The following MRPL45 variants were observed in gnomAD, a reference collection of about 807,000 sequenced individuals.
MRPL45 encodes large ribosomal subunit protein mL45.
A neutral mutation model predicts 38.1 loss-of-function variants in MRPL45; 20 were observed. The ratio of observed to expected loss-of-function variants is 0.53; its 90% CI spans 0.37 to 0.76. The LOEUF (loss-of-function observed/expected upper bound fraction) is 0.76, where lower values mean the gene tolerates loss of function less well. MRPL45 is among the 30% of genes least tolerant of loss of function. The pLI, the probability that MRPL45 is intolerant of heterozygous loss-of-function variation, is 0.00. For synonymous variants in MRPL45, 105 were observed against 128.8 expected (o/e 0.82, Z 1.25); for missense variants, 337 against 395.6 (o/e 0.85, Z 1.26).
chr17:38,309,185 GT>G (rs1356222084), intron 4 of MRPL45, among the ~76,000 whole-genome samples: 8 of 151,286 alleles, frequency 5.3e-5, no homozygotes, highest in African/African-American at 1.9e-4. Context: ...GATTACAGGT[GT>G]GAGCCACTGT....
chr17:38,306,616 A>C lies in MRPL45; in HGVS notation c.446A>C (p.His149Pro), dbSNP rs1203394103. 14 of 1,613,406 alleles carry C rather than the reference A, an allele frequency of 8.7e-6. No homozygotes were observed. The highest frequency in any genetic ancestry group is 1.3e-5 in the African/African-American group (1 of 74,912). ...EKAKDIFIEA[H>P]LCLNNSDHDR... ...GCTAAGGATATCTTTATTGAAGCTC[A>C]CCTTTGTCTAAATAAGTAAGTGAAC... The change falls in exon 4 of 8, where the codon CAC (histidine) becomes CCC (proline). Residue 149 changes from histidine to proline, a missense_variant. By Grantham distance (77) the His-to-Pro change is moderately conservative. Around this residue, in one of 3 missense-constraint regions of MRPL45, gnomAD observed 251 missense variants for 269.1 expected, o/e 0.93. Coordinates refer to ENST00000613675, the MANE Select transcript of MRPL45 (RefSeq NM_032351.6).
chr17:38,318,206 C>T (rs1328423007), intron 4 of MRPL45, among the ~76,000 whole-genome samples: 1 of 57,668 alleles, frequency 1.7e-5, no homozygotes, highest in Admixed American at 2.4e-4. Flanking sequence ...GACTCTGTCT[C>T]AAAAAAAAAA....
intron 3 of MRPL45, among the ~76,000 whole-genome samples, chr17:38,303,818 C>T (rs2037024913): frequency 6.6e-6 from 1 of 151,134 alleles, no homozygotes; most frequent in South Asian, 2.1e-4. Flanking sequence ...CTTCCGCCTC[C>T]CGGGTTCAAG....
At chr17:38,310,074 A>G (rs562231905) in intron 4 of MRPL45, among the ~76,000 whole-genome samples, 304 of 147,604 alleles carry the variant, frequency 2.1e-3, no homozygotes, top group African/African-American at 6.6e-3. Flanking sequence ...CTACCTATCG[A>G]GTTCTTAATT....
chr17:38,299,812 C>G (rs2036974239), intron 3 of MRPL45, among the ~76,000 whole-genome samples: 2 of 151,962 alleles, frequency 1.3e-5, no homozygotes, highest in South Asian at 2.1e-4. Flanking sequence ...TCTTGGCTCA[C>G]CGCAACCTCC....
intron 4 of MRPL45, among the ~76,000 whole-genome samples, chr17:38,317,092 G>T (rs925436938): frequency 6.6e-6 from 1 of 152,092 alleles, no homozygotes; most frequent in African/African-American, 2.4e-5. Context: ...CACCGCACCC[G>T]GCCCATAAAT....
intron 6 of MRPL45, 74 bp from the exon 7 acceptor site, chr17:38,322,052 A>G (rs867582969): frequency 1.1e-5 from 16 of 1,400,438 alleles, no homozygotes; most frequent in Middle Eastern, 2.5e-4. Flanking sequence ...AAAAGGTTGT[A>G]TGGCAATAAA....
rs1243866744 is a variant in MRPL45, at chr17:38,299,412, G to A, written c.306G>A (p.Lys102=). 16 of 1,613,112 alleles carry A rather than the reference G, an allele frequency of 9.9e-6. No homozygotes were observed. The highest frequency in any genetic ancestry group is 1.3e-5 in the Non-Finnish European group (15 of 1,179,880). Residue 102 remains lysine, a synonymous_variant, in exon 3 of 8, where the codon AAG becomes AAA. Coordinates refer to ENST00000613675, the MANE Select transcript of MRPL45 (RefSeq NM_032351.6). The part of the protein sequence containing the change: ...EGDARISSLS[K]EGLIERTERM... ...ATGCACGCATATCATCTCTTTCAAA[G>A]GAGGGACTGATAGAGAGAACTGAAC...
intron 3 of MRPL45, among the ~76,000 whole-genome samples, chr17:38,303,828 G>A (rs1366170909): frequency 6.6e-6 from 1 of 151,350 alleles, no homozygotes; most frequent in African/African-American, 2.4e-5. Flanking sequence ...CCGGGTTCAA[G>A]CGATTCTCCT....
intron 4 of MRPL45, among the ~76,000 whole-genome samples, chr17:38,317,255 C>G (rs574796200): frequency 6.6e-6 from 1 of 152,244 alleles, no homozygotes; most frequent in African/African-American, 2.4e-5. Flanking sequence ...TGATGGTCAT[C>G]ATGGTAGTTG....
At chr17:38,307,597 G>A (rs993088769) in intron 4 of MRPL45, among the ~76,000 whole-genome samples, 7 of 151,752 alleles carry the variant, frequency 4.6e-5, no homozygotes, top group African/African-American at 9.7e-5. Context: ...CTCCTGCCTT[G>A]GCCTCCCAAA....
At chr17:38,311,401 CG>C (rs545984206) in intron 4 of MRPL45, among the ~76,000 whole-genome samples, 216 of 152,008 alleles carry the variant, frequency 1.4e-3, no homozygotes, top group Non-Finnish European at 2.6e-3. Context: ...AAAGGAGACC[CG>C]GGGATCCAGG....
chr17:38,312,954 CACT>C (rs1208730558), intron 4 of MRPL45, among the ~76,000 whole-genome samples: 1 of 150,474 alleles, frequency 6.6e-6, no homozygotes, highest in Non-Finnish European at 1.5e-5. Context: ...TCTACATCCT[CACT>C]GATACCTATT....
chr17:38,301,324 C>T lies in MRPL45; in HGVS notation c.362+1856C>T, dbSNP rs530101667. On this transcript the variant is annotated intron_variant, in intron 3 of 7. Coordinates refer to ENST00000613675, the MANE Select transcript of MRPL45 (RefSeq NM_032351.6). ...TGGTGCAATCTCGGCTCACCACAAC[C>T]TCTGCCTTCTGGGTTGAAGCGATTC... Among the ~76,000 whole-genome samples, 3 of 152,272 alleles carry T rather than the reference C, an allele frequency of 2.0e-5. No individual in the cohort carries two copies. The South Asian group carries it at 6.2e-4, about 32-fold the overall frequency.
In MRPL45 at chr17:38,302,507, TTTG is replaced by T. The variant is rs1214085888; in HGVS notation, c.362+3042_362+3044del. On this transcript the variant is annotated intron_variant, in intron 3 of 7. Transcript: ENST00000613675. ...ATCTCAAAAAAAAAAAAAAAAAAAGTTTGTTTTTTTTTTTTTTTTTTAGAGTTA... is the reference window on the plus strand; with the variant it reads ...ATCTCAAAAAAAAAAAAAAAAAAAGTTTTTTTTTTTTTTTTTTTAGAGTTA... Among the ~76,000 whole-genome samples the T allele has an allele frequency of 3.5e-4, 19 of 53,978 alleles. 1 individual carries two copies. Among genetic ancestry groups the T allele is most frequent in the African/African-American group, 7.9e-4 (15 of 19,064 alleles). The allele number at this position is 53,978 out of a possible 152,430, so 35.4% of individuals were successfully genotyped here.
chr17:38,303,738 T>G (rs1039907392), intron 3 of MRPL45, among the ~76,000 whole-genome samples: 1 of 151,942 alleles, frequency 6.6e-6, no homozygotes, highest in African/African-American at 2.4e-5. Flanking sequence ...TCTTTTCTTT[T>G]TTTTTTGAGA....
rs2036968790 is a variant in MRPL45, at chr17:38,299,387, A to T, written c.281A>T (p.Asp94Val). The change falls in exon 3 of 8, where the codon GAT becomes GTT. Residue 94 changes from aspartate to valine, a missense_variant. Coordinates refer to ENST00000613675, the MANE Select transcript of MRPL45 (RefSeq NM_032351.6). ...GATGCCTATGTTCCTCCTGAGGGTGATGCACGCATATCATCTCTTTCAAAG... is the reference window on the plus strand; with the variant it reads ...GATGCCTATGTTCCTCCTGAGGGTGTTGCACGCATATCATCTCTTTCAAAG... ...IFDAYVPPEGDARISSLSKEG... is the reference protein window; with the variant it reads ...IFDAYVPPEGVARISSLSKEG... 6.2e-7 allele frequency: 1 copy of T among 1,611,138 alleles called. No individual in the cohort carries two copies. Among genetic ancestry groups the T allele is most frequent in the Non-Finnish European group, 8.5e-7 (1 of 1,179,486 alleles).
intron 4 of MRPL45, among the ~76,000 whole-genome samples, chr17:38,314,389 C>T (rs1051731954): frequency 2.5e-4 from 38 of 152,358 alleles, no homozygotes; most frequent in African/African-American, 9.1e-4. Context: ...CAGGCGTGAG[C>T]CACTGCGCCT....
chr17:38,322,675 T>C lies in MRPL45; in HGVS notation c.*80T>C, dbSNP rs531969228. 4.9e-5 allele frequency: 52 copies of C among 1,064,286 alleles called. No individual in the cohort carries two copies. In the African/African-American group the frequency reaches 6.3e-4, roughly 13 times the overall value. 65.9% of individuals were successfully genotyped at this position (1,064,286 alleles called of 1,614,324 possible). A position where few individuals can be genotyped will look rare whatever the true frequency, so the allele number is the denominator to read the frequency against. ...GAAGTCTCCCATTCCCCTCATGCTA[T>C]AAAAAGAACTACCTTTGTTCTCTCC... On this transcript the variant is annotated 3_prime_UTR_variant, in exon 8 of 8. Coordinates refer to ENST00000613675, the MANE Select transcript of MRPL45 (RefSeq NM_032351.6).
Sources: allele counts gnomAD v4.1 joint callset (sites outside exome capture counted in the v4.1 genomes callset), GRCh38; gene constraint gnomAD v4.1.1; regional missense constraint gnomAD v4.1.1; transcripts MANE v1.5; gene names NCBI Gene and HGNC (gene_info 2026-07-23, HGNC 2026-07-21).